Variants in NALCN observed in about 807,000 individuals in gnomAD.
The protein encoded by NALCN is sodium leak channel NALCN.
Under a neutral mutation model 225.3 loss-of-function variants are expected in NALCN, and 111 were observed. The ratio of observed to expected loss-of-function variants is 0.49; its 90% confidence interval spans 0.42 to 0.58. The LOEUF (loss-of-function observed/expected upper bound fraction) is 0.58, where lower values mean the gene tolerates loss of function less well. NALCN is among the 20% of genes least tolerant of loss of function. The probability of loss-of-function intolerance (pLI) is 0.00; values close to 1 mark genes in which losing one functional copy is unlikely to be tolerated. For missense variants in NALCN, 1,378 were observed against 2,202.4 expected, an observed-to-expected ratio of 0.63 and a Z score of 7.49; for synonymous variants, 764 against 769.0, an observed-to-expected ratio of 0.99 and a Z score of 0.11.
At chr13:101,406,151 CAAAA>C (rs11400384) in intron 1 of NALCN, among the ~76,000 whole-genome samples, 2,994 of 114,540 alleles carry the variant, frequency 0.026, 98 homozygotes, top group East Asian at 0.12. Flanking sequence ...CCCATCTCTA[CAAAA>C]AAAAAAAAAA....
intron 1 of NALCN, among the ~76,000 whole-genome samples, chr13:101,414,620 T>C (rs2047882000): frequency 6.6e-6 from 1 of 152,226 alleles, no homozygotes; most frequent in African/African-American, 2.4e-5. Context: ...GCTACTCAAA[T>C]CTTCAGTTCA....
intron 10 of NALCN, among the ~76,000 whole-genome samples, chr13:101,274,206 T>G (rs938566858): frequency 3.9e-5 from 6 of 152,146 alleles, no homozygotes; most frequent in Non-Finnish European, 8.8e-5. Flanking sequence ...CTCTCACGTG[T>G]GCATACAAAG....
At chr13:101,308,562 C>G (rs1396338614) in intron 7 of NALCN, among the ~76,000 whole-genome samples, 1 of 152,132 alleles carries the variant, frequency 6.6e-6, no homozygotes, top group Non-Finnish European at 1.5e-5. Context: ...TTGCTTGAGC[C>G]ATTGTGTTGT....
At chr13:101,332,812 G>A (rs1376261399) in intron 7 of NALCN, among the ~76,000 whole-genome samples, 1 of 152,102 alleles carries the variant, frequency 6.6e-6, no homozygotes, top group Non-Finnish European at 1.5e-5. Flanking sequence ...CAGCAAATGT[G>A]GAGTGCTCAC....
chr13:101,196,592 C>T (rs908976461), intron 13 of NALCN, among the ~76,000 whole-genome samples: 3 of 152,138 alleles, frequency 2.0e-5, no homozygotes, highest in African/African-American at 7.2e-5. Flanking sequence ...ACGAGGTTTT[C>T]TTCTCTGTGT....
chr13:101,141,631 A>T (rs183939745), intron 17 of NALCN, among the ~76,000 whole-genome samples: 121 of 151,440 alleles, frequency 8.0e-4, no homozygotes, highest in African/African-American at 2.5e-3. Context: ...GAGAAAGAGG[A>T]GGAGAAAAGG....
chr13:101,260,337 G>GTGAAGA lies in NALCN; in HGVS notation c.1135-1769_1135-1764dup, dbSNP rs531612887. Among the ~76,000 whole-genome samples the GTGAAGA allele has an allele frequency of 5.0e-4, 76 of 152,322 alleles. No individual in the cohort carries two copies. The Middle Eastern group carries it at 0.01, about 20-fold the overall frequency. On this transcript the variant is annotated intron_variant, in intron 10 of 43. Transcript: ENST00000251127. ...AAACAGTGCTGCAGCAAACATGGGA[G>GTGAAGA]TGAAGATTTCTCTTAGATATACTTA... is the stretch of plus-strand genomic sequence containing the variant.
At chr13:101,289,132 T>A (rs992139214) in intron 9 of NALCN, among the ~76,000 whole-genome samples, 2 of 152,204 alleles carry the variant, frequency 1.3e-5, no homozygotes, top group Admixed American at 1.3e-4. Flanking sequence ...ATGAATCACT[T>A]ATCCTTCAAC....
chr13:101,378,823 T>C (rs1054402067), intron 3 of NALCN, among the ~76,000 whole-genome samples, 170 bp from the exon 4 acceptor site: 1 of 152,156 alleles, frequency 6.6e-6, no homozygotes, highest in Non-Finnish European at 1.5e-5. Context: ...GCATTACTTA[T>C]AAGAAAAATA....
intron 10 of NALCN, among the ~76,000 whole-genome samples, chr13:101,260,715 A>G (rs1233685533): frequency 6.6e-6 from 1 of 152,066 alleles, no homozygotes. Flanking sequence ...TTTTTTGATC[A>G]GATTATTAGA....
intron 12 of NALCN, among the ~76,000 whole-genome samples, chr13:101,232,741 C>T (rs765705887): frequency 1.3e-5 from 2 of 152,056 alleles, no homozygotes; most frequent in African/African-American, 2.4e-5. Context: ...CCACTGCACC[C>T]GGCCATCCTG....
In NALCN at chr13:101,160,317, G is replaced by A. The variant is rs147066219; in HGVS notation, c.1840-15421C>T. 4.1e-4 allele frequency among the ~76,000 whole-genome samples: 62 copies of A among 152,090 alleles called. 1 individual carries two copies. The East Asian group carries it at 0.011, about 28-fold the overall frequency. On this transcript the variant is annotated intron_variant, in intron 15 of 43. Coordinates refer to ENST00000251127, the MANE Select transcript of NALCN (RefSeq NM_052867.4). ...TTTCCTTCCCTCTTCCTTCTTTTTC[G>A]CTTTGTCTGTGTCTCTTGCCTTTTA... is the stretch of plus-strand genomic sequence containing the variant.
Position 101,159,367 on chromosome 13 carries a change from G to A in NALCN, c.1840-14471C>T, listed in dbSNP as rs141239159. ...TCTAGTGCCAGAGCTTGCAGCACAGGTCAGGTACATGGTAGACCCAGCTCT... is the reference window on the plus strand; with the variant it reads ...TCTAGTGCCAGAGCTTGCAGCACAGATCAGGTACATGGTAGACCCAGCTCT... On this transcript the variant is annotated intron_variant, in intron 15 of 43. Coordinates refer to ENST00000251127, the MANE Select transcript of NALCN (RefSeq NM_052867.4). 2.3e-3 allele frequency among the ~76,000 whole-genome samples: 348 copies of A among 152,286 alleles called. 2 individuals carry two copies. The highest frequency in any genetic ancestry group is 7.8e-3 in the African/African-American group (324 of 41,562).
intron 20 of NALCN, among the ~76,000 whole-genome samples, chr13:101,109,162 G>T (rs1341076728): frequency 6.6e-6 from 1 of 152,136 alleles, no homozygotes; most frequent in Non-Finnish European, 1.5e-5. Context: ...TTGCCTCTTT[G>T]ACTTTTCACC....
At chr13:101,277,210 A>G (rs889129965) in intron 10 of NALCN, among the ~76,000 whole-genome samples, 1 of 152,088 alleles carries the variant, frequency 6.6e-6, no homozygotes, top group African/African-American at 2.4e-5. Context: ...AAATTACCTA[A>G]TTACTTATAG....
chr13:101,341,297 A>G (rs75908088), intron 7 of NALCN, among the ~76,000 whole-genome samples: 1,699 of 152,306 alleles, frequency 0.011, 31 homozygotes, highest in African/African-American at 0.038. Flanking sequence ...AAAAATATTC[A>G]GAAAGAGCTT....
intron 14 of NALCN, among the ~76,000 whole-genome samples, chr13:101,180,202 G>T (rs1350585136): frequency 7.2e-5 from 8 of 110,860 alleles, no homozygotes. Context: ...TCTCCACCTG[G>T]TCTTTTTTTT....
intron 6 of NALCN, among the ~76,000 whole-genome samples, chr13:101,357,978 G>C (rs1301747529): frequency 6.6e-6 from 1 of 152,166 alleles, no homozygotes; most frequent in East Asian, 1.9e-4. Flanking sequence ...AAACTTGCTA[G>C]CCATGTGCAG....
At chr13:101,186,628 AATTAT>A (rs760821827) in intron 14 of NALCN, among the ~76,000 whole-genome samples, 1 of 152,080 alleles carries the variant, frequency 6.6e-6, no homozygotes, top group Non-Finnish European at 1.5e-5. Flanking sequence ...CCTTTTATTA[AATTAT>A]ATATCATTTA....
Sources: gnomAD v4.1 joint callset for allele counts (sites outside exome capture counted in the v4.1 genomes callset) on GRCh38, gnomAD v4.1.1 for gene constraint, MANE v1.5 for transcripts, NCBI Gene and HGNC (gene_info 2026-07-23, HGNC 2026-07-21) for gene names.